Variants in GLB1 observed in about 807,000 individuals in gnomAD.
The protein encoded by GLB1 is galactosidase beta 1.
A neutral mutation model predicts 74.0 loss-of-function variants in GLB1; 56 were observed. That is an observed-to-expected ratio of 0.76 (90% CI 0.61 to 0.94). The LOEUF is 0.94. Ranked by LOEUF, GLB1 falls within the 40% of genes least tolerant of loss-of-function variation. The pLI, the probability that GLB1 is intolerant of heterozygous loss-of-function variation, is 0.00. For synonymous variants in GLB1, 323 were observed against 323.6 expected, an observed-to-expected ratio of 1.00 and a Z score of 0.02; for missense variants, 787 against 845.5, an observed-to-expected ratio of 0.93 and a Z score of 0.86.
At chr3:33,006,224 A>G (rs1169064187) in intron 15 of GLB1, among the ~76,000 whole-genome samples, 1 of 151,714 alleles carries the variant, frequency 6.6e-6, no homozygotes, top group Non-Finnish European at 1.5e-5. Flanking sequence ...ACCGGGCCGC[A>G]CAGTGAGAGG....
chr3:32,994,015 A>G (rs942693143), downstream of GLB1, among the ~76,000 whole-genome samples: 4 of 152,200 alleles, frequency 2.6e-5, no homozygotes, highest in Admixed American at 2.6e-4. Context: ...AAATTGTTTA[A>G]CAGTTCCTTA....
At chr3:33,087,579 G>A (rs868548476) in intron 1 of GLB1, among the ~76,000 whole-genome samples, 12 of 141,906 alleles carry the variant, frequency 8.5e-5, no homozygotes, top group African/African-American at 2.7e-4. Context: ...CAGCATGCGC[G>A]CACACACACA....
intron 1 of GLB1, chr3:33,094,354 A>T (rs1700912624): frequency 7.1e-7 from 1 of 1,401,462 alleles, no homozygotes; most frequent in South Asian, 1.9e-5. Flanking sequence ...GTGTCCTTGT[A>T]CCCATTCAAA....
intron 5 of GLB1, among the ~76,000 whole-genome samples, chr3:33,063,409 G>A (rs921828533): frequency 2.0e-5 from 3 of 151,816 alleles, no homozygotes; most frequent in Non-Finnish European, 4.4e-5. Context: ...TGGGATTCAA[G>A]CATGTGGAGA....
chr3:32,996,760 G>C lies in GLB1; in HGVS notation c.*285C>G, dbSNP rs1696320774. 1 of 438,210 alleles carries C rather than the reference G, an allele frequency of 2.3e-6. No homozygotes were observed. Among genetic ancestry groups the C allele is most frequent in the African/African-American group, 2.0e-5 (1 of 50,208 alleles). The allele number at this position is 438,210 out of a possible 1,614,324, so 27.1% of individuals were successfully genotyped here. On this transcript the variant is annotated 3_prime_UTR_variant, in exon 16 of 16. Transcript: ENST00000307363. The stretch of plus-strand genomic sequence containing the variant: ...AGTACAAATTTTATTTAACAAAAAG[G>C]TAACATGATTCTTCCAAAATAAAAA...
the GLB1 span, among the ~76,000 whole-genome samples, chr3:32,986,742 C>T: frequency 6.6e-6 from 1 of 152,030 alleles, no homozygotes; most frequent in East Asian, 1.9e-4. Flanking sequence ...AGGTGTGTGC[C>T]ACCACACCCA....
Position 33,014,036 on chromosome 3 carries a change from C to T in GLB1, c.1734+20G>A, listed in dbSNP as rs1319578088. 1.2e-6 allele frequency: 2 copies of T among 1,614,192 alleles called. No homozygotes were observed. The highest frequency in any genetic ancestry group is 1.7e-6 in the Non-Finnish European group (2 of 1,180,034). ...AAAAGTTTAGGCCTGAATTCAAACC[C>T]TTCCCATGAAGACACGTACCTTGGT... On this transcript the variant is annotated intron_variant, in intron 15 of 15. Transcript: ENST00000307363.
chr3:33,010,431 T>A (rs939492298), intron 15 of GLB1, among the ~76,000 whole-genome samples: 1 of 152,174 alleles, frequency 6.6e-6, no homozygotes, highest in African/African-American at 2.4e-5. Flanking sequence ...AGCCATCTTA[T>A]GCCTTCTTTG....
intron 2 of GLB1, among the ~76,000 whole-genome samples, chr3:33,069,935 G>A (rs944406173): frequency 2.0e-5 from 3 of 151,060 alleles, no homozygotes; most frequent in Non-Finnish European, 3.0e-5. Flanking sequence ...CCTAGTACAC[G>A]ATAGGGGAAC....
At chr3:33,014,907 C>T (rs1697179266) in intron 14 of GLB1, among the ~76,000 whole-genome samples, 1 of 152,186 alleles carries the variant, frequency 6.6e-6, no homozygotes, top group South Asian at 2.1e-4. Flanking sequence ...GTGGAGGTTG[C>T]AGTGAGCTGA....
intron 6 of GLB1, among the ~76,000 whole-genome samples, chr3:33,054,003 A>G (rs1443369370): frequency 6.6e-6 from 1 of 151,752 alleles, no homozygotes; most frequent in Non-Finnish European, 1.5e-5. Context: ...ACAGAGTGAC[A>G]CTCCATCTCA....
At chr3:33,027,238 G>C (rs1697806543) in intron 10 of GLB1, among the ~76,000 whole-genome samples, 1 of 152,242 alleles carries the variant, frequency 6.6e-6, no homozygotes, top group Admixed American at 6.5e-5. Context: ...CCTTGCAGAG[G>C]GCTGGCGCCT....
the GLB1 span, among the ~76,000 whole-genome samples, chr3:32,975,318 C>A: frequency 0.017 from 2,521 of 152,228 alleles, 66 homozygotes; most frequent in African/African-American, 0.056. Context: ...GTCCTGGGCT[C>A]AAATGATCCT....
chr3:32,968,735 C>T, the GLB1 span, among the ~76,000 whole-genome samples: 5 of 152,176 alleles, frequency 3.3e-5, no homozygotes, highest in East Asian at 3.8e-4. Flanking sequence ...TCAAAGAAGC[C>T]TTGACTCAGG....
intron 1 of GLB1, chr3:33,091,009 G>C: frequency 1.0e-6 from 1 of 985,326 alleles, no homozygotes; most frequent in Non-Finnish European, 1.2e-6. Context: ...AGAAACCAGT[G>C]AAATAACACG....
chr3:33,050,455 C>T (rs1385266573), intron 9 of GLB1, among the ~76,000 whole-genome samples: 3 of 152,156 alleles, frequency 2.0e-5, no homozygotes, highest in Non-Finnish European at 4.4e-5. Context: ...TACTATTCAG[C>T]AATAAAAAGG....
At chr3:33,095,607 C>CA (rs1481243684) in intron 1 of GLB1, among the ~76,000 whole-genome samples, 1 of 152,160 alleles carries the variant, frequency 6.6e-6, no homozygotes, top group Admixed American at 6.5e-5. Context: ...ATGGCAGCCA[C>CA]AGGGCATCCA....
intron 10 of GLB1, among the ~76,000 whole-genome samples, chr3:33,037,339 C>A (rs559316679): frequency 1.3e-5 from 2 of 152,224 alleles, no homozygotes; most frequent in East Asian, 1.9e-4. Context: ...AGCCACCACA[C>A]CTGGCCTAAA....
intron 1 of GLB1, chr3:33,091,072 C>T: frequency 2.0e-6 from 2 of 985,392 alleles, no homozygotes; most frequent in Non-Finnish European, 2.4e-6. Context: ...AGTGAAATGG[C>T]ACCATCTAGC....
Sources: gnomAD v4.1 joint callset for allele counts (sites outside exome capture counted in the v4.1 genomes callset) on GRCh38, gnomAD v4.1.1 for gene constraint, MANE v1.5 for transcripts, NCBI Gene and HGNC (gene_info 2026-07-23, HGNC 2026-07-21) for gene names.